TSGA10: variants seen among roughly 807,000 people sequenced by gnomAD.
The protein encoded by TSGA10 is testis-specific gene 10 protein.
Under a neutral mutation model 96.6 loss-of-function variants are expected in TSGA10, and 43 were observed. The ratio of observed to expected loss-of-function variants is 0.44; its 90% CI spans 0.35 to 0.57. TSGA10 has a LOEUF of 0.57. Ranked by LOEUF, TSGA10 falls within the 20% of genes least tolerant of loss-of-function variation. The pLI is 0.01. For synonymous variants in TSGA10, 229 were observed against 269.9 expected (o/e 0.85, Z 1.48); for missense variants, 703 against 834.4 (o/e 0.84, Z 1.94).
chr2:99,100,955 T>TG (rs2090639531), intron 10 of TSGA10, among the ~76,000 whole-genome samples: 1 of 96,238 alleles, frequency 1.0e-5, no homozygotes, highest in Non-Finnish European at 2.1e-5. Flanking sequence ...TTAGGCTGGG[T>TG]GAAAAAAAAA....
intron 17 of TSGA10, among the ~76,000 whole-genome samples, chr2:99,034,520 G>A (rs541848129): frequency 5.7e-4 from 86 of 151,914 alleles, no homozygotes; most frequent in African/African-American, 1.9e-3. Context: ...TTTAAAATTC[G>A]GGCTCTATCT....
chr2:99,026,468 G>A (rs138831747), intron 17 of TSGA10, among the ~76,000 whole-genome samples: 8,224 of 151,824 alleles, frequency 0.054, 421 homozygotes, highest in East Asian at 0.21. Flanking sequence ...CACCCAGGCT[G>A]GAGTGCAGTG....
At chr2:99,119,011 A>G (rs547645189) in intron 2 of TSGA10, among the ~76,000 whole-genome samples, 103 of 152,286 alleles carry the variant, frequency 6.8e-4, no homozygotes, top group Non-Finnish European at 6.3e-4. Context: ...ACTCGCACAC[A>G]GAAGTTTCAG....
At chr2:99,101,277 A>C (rs376827316) in intron 10 of TSGA10, among the ~76,000 whole-genome samples, 1 of 149,708 alleles carries the variant, frequency 6.7e-6, no homozygotes, top group African/African-American at 2.4e-5. Context: ...AAAAAGCATA[A>C]ATCAAATGGG....
At chr2:99,073,801 C>T (rs929582673) in intron 12 of TSGA10, among the ~76,000 whole-genome samples, 4 of 151,984 alleles carry the variant, frequency 2.6e-5, no homozygotes, top group African/African-American at 9.7e-5. Flanking sequence ...TTTAAAACTT[C>T]CATTGACCCT....
At chr2:99,115,196 G>C (rs2092152839) in intron 4 of TSGA10, among the ~76,000 whole-genome samples, 1 of 152,030 alleles carries the variant, frequency 6.6e-6, no homozygotes, top group African/African-American at 2.4e-5. Flanking sequence ...GCCTCCCAAA[G>C]TGCTGGGATT....
intron 20 of TSGA10, among the ~76,000 whole-genome samples, chr2:99,013,919 G>A (rs534568331): frequency 6.6e-6 from 1 of 151,976 alleles, no homozygotes; most frequent in East Asian, 2.0e-4. Flanking sequence ...TTGGGAGACT[G>A]AGGCAGGCAG....
intron 16 of TSGA10, among the ~76,000 whole-genome samples, chr2:99,046,016 G>A (rs992872492): frequency 1.3e-5 from 2 of 152,192 alleles, no homozygotes; most frequent in African/African-American, 2.4e-5. Context: ...TCAACAAGAA[G>A]AGCCAACTAT....
chr2:99,147,216 G>C, intron 1 of TSGA10: 1 of 436,016 alleles, frequency 2.3e-6, no homozygotes, highest in Admixed American at 3.8e-5. Flanking sequence ...GCCCAGGCTG[G>C]TCTCAAACTG....
intron 1 of TSGA10, chr2:99,142,203 T>G (rs1352375485): frequency 1.3e-5 from 2 of 152,278 alleles, no homozygotes; most frequent in Admixed American, 6.5e-5. Flanking sequence ...TTCTTAATTT[T>G]TCTTAATACC....
chr2:99,122,718 G>C (rs2092639095), intron 2 of TSGA10, among the ~76,000 whole-genome samples: 1 of 151,276 alleles, frequency 6.6e-6, no homozygotes, highest in African/African-American at 2.4e-5. Context: ...TTGAGCCCAG[G>C]AGGCCAAGGC....
At chr2:99,152,372 G>C (rs546467166) in intron 1 of TSGA10, among the ~76,000 whole-genome samples, 1 of 152,186 alleles carries the variant, frequency 6.6e-6, no homozygotes, top group South Asian at 2.1e-4. Context: ...GTGCAGTGTC[G>C]AATTCCTGTT....
intron 17 of TSGA10, among the ~76,000 whole-genome samples, chr2:99,025,260 A>G (rs2080458982): frequency 6.6e-6 from 1 of 152,234 alleles, no homozygotes; most frequent in Non-Finnish European, 1.5e-5. Context: ...TCTGGGCCTC[A>G]GTATTACTTT....
intron 16 of TSGA10, among the ~76,000 whole-genome samples, chr2:99,048,855 G>C (rs1255765732): frequency 6.6e-6 from 1 of 151,814 alleles, no homozygotes; most frequent in Non-Finnish European, 1.5e-5. Context: ...AATATCCAGA[G>C]TCTACAAAGA....
intron 16 of TSGA10, among the ~76,000 whole-genome samples, 176 bp downstream of exon 16, chr2:99,064,763 G>T (rs1226991695): frequency 6.6e-6 from 1 of 152,116 alleles, no homozygotes; most frequent in Non-Finnish European, 1.5e-5. Flanking sequence ...CTGGATGTAG[G>T]GTAGATAAGA....
intron 20 of TSGA10, among the ~76,000 whole-genome samples, chr2:99,007,022 C>T (rs1382977570): frequency 6.6e-6 from 1 of 152,042 alleles, no homozygotes. Context: ...AACCATCATT[C>T]TGAGCAAACT....
In TSGA10 at chr2:99,071,809, T is replaced by A; in HGVS notation, c.1004A>T (p.Glu335Val). 1 of 1,614,090 alleles carries A rather than the reference T, an allele frequency of 6.2e-7. No homozygotes were observed. Among genetic ancestry groups the A allele is most frequent in the Non-Finnish European group, 8.5e-7 (1 of 1,179,932 alleles). Reference sequence around the variant, plus strand: ...GATCTGGGCCAGCTCATCATTTGTCTCATCCAATTGCCGACGCATTCTGGA... The same window carrying A: ...GATCTGGGCCAGCTCATCATTTGTCACATCCAATTGCCGACGCATTCTGGA... ...DVSRMRRQLD[E>V]TNDELAQIAR... The change falls in exon 14 of 21, where the codon GAG becomes GTG. Residue 335 changes from glutamate to valine, a missense_variant. Around this residue, in one of 3 missense-constraint regions of TSGA10, gnomAD observed 585 missense variants for 656.8 expected, o/e 0.89. Transcript: ENST00000393483.
intron 20 of TSGA10, among the ~76,000 whole-genome samples, chr2:99,000,048 G>A (rs1221200870): frequency 3.3e-5 from 5 of 152,152 alleles, no homozygotes; most frequent in Admixed American, 2.0e-4. Context: ...GAGCAACCAC[G>A]CCCAGTGTAA....
intron 20 of TSGA10, among the ~76,000 whole-genome samples, chr2:99,005,257 C>T (rs939659398): frequency 2.0e-5 from 3 of 152,182 alleles, no homozygotes; most frequent in Non-Finnish European, 2.9e-5. Flanking sequence ...TCTCTCACCA[C>T]TCTTATTCAA....
Sources: allele counts gnomAD v4.1 joint callset (sites outside exome capture counted in the v4.1 genomes callset), GRCh38; gene constraint gnomAD v4.1.1; regional missense constraint gnomAD v4.1.1; transcripts MANE v1.5; gene names NCBI Gene and HGNC (gene_info 2026-07-23, HGNC 2026-07-21).